GPC5: variants seen among roughly 807,000 people sequenced by gnomAD.
The protein encoded by GPC5 is glypican 5.
In GPC5, 47 loss-of-function variants were observed where a neutral mutation model predicts 53.9. That is an observed-to-expected ratio of 0.87 (90% confidence interval 0.69 to 1.11). The LOEUF (loss-of-function observed/expected upper bound fraction) is 1.11. Ranked by LOEUF, GPC5 falls within the 50% of genes most tolerant of loss-of-function variation. The probability of loss-of-function intolerance (pLI) is 0.00; values close to 1 mark genes in which losing one functional copy is unlikely to be tolerated. For synonymous variants in GPC5, 286 were observed against 263.3 expected (o/e 1.09, Z -0.84); for missense variants, 748 against 713.1 (o/e 1.05, Z -0.56).
At chr13:92,362,271 G>T (rs1017283375) in intron 7 of GPC5, among the ~76,000 whole-genome samples, 1 of 151,634 alleles carries the variant, frequency 6.6e-6, no homozygotes, top group African/African-American at 2.4e-5. Context: ...TTCAAACTGC[G>T]TCCAAGTCCA....
At chr13:91,689,113 G>A (rs1485384922) in intron 2 of GPC5, among the ~76,000 whole-genome samples, 1 of 148,262 alleles carries the variant, frequency 6.7e-6, no homozygotes, top group Non-Finnish European at 1.5e-5. Flanking sequence ...AGGCTACAGG[G>A]AGCTATGATC....
At chr13:92,271,309 G>A (rs754597144) in intron 7 of GPC5, among the ~76,000 whole-genome samples, 3 of 152,166 alleles carry the variant, frequency 2.0e-5, no homozygotes, top group Admixed American at 6.6e-5. Context: ...AAGTGTAGAA[G>A]GAGAACTACC....
At chr13:92,796,539 T>C (rs1321946898) in intron 7 of GPC5, among the ~76,000 whole-genome samples, 6 of 151,906 alleles carry the variant, frequency 3.9e-5, no homozygotes, top group African/African-American at 1.2e-4. Context: ...ATCCTTGGCA[T>C]TTCTCAATGA....
At chr13:92,471,016 G>A (rs1257058850) in intron 7 of GPC5, among the ~76,000 whole-genome samples, 1 of 152,118 alleles carries the variant, frequency 6.6e-6, no homozygotes. Flanking sequence ...AGGAGATGGA[G>A]ACTGACTGTC....
intron 5 of GPC5, among the ~76,000 whole-genome samples, chr13:91,760,860 A>G (rs1353088186): frequency 6.6e-6 from 1 of 152,212 alleles, no homozygotes; most frequent in Non-Finnish European, 1.5e-5. Flanking sequence ...TTTTTGAAAC[A>G]AAATCTATTT....
chr13:92,324,106 TGAATAA>T (rs1359471092), intron 7 of GPC5, among the ~76,000 whole-genome samples: 13 of 152,056 alleles, frequency 8.5e-5, no homozygotes, highest in Admixed American at 7.2e-4. Context: ...GATTTATGAA[TGAATAA>T]GTCAATGAAG....
intron 7 of GPC5, chr13:92,510,192 C>T (rs977885903): frequency 4.6e-5 from 6 of 131,736 alleles, no homozygotes; most frequent in Admixed American, 3.5e-4. Context: ...ATGTTTTTTC[C>T]TCTTTTGCTG....
At chr13:91,971,425 AT>A (rs1195580341) in intron 6 of GPC5, among the ~76,000 whole-genome samples, 1 of 152,004 alleles carries the variant, frequency 6.6e-6, no homozygotes, top group Non-Finnish European at 1.5e-5. Context: ...CAGCTCCTAG[AT>A]TCACTAATTT....
chr13:91,435,012 G>A (rs1373622697), intron 1 of GPC5, among the ~76,000 whole-genome samples: 7 of 152,154 alleles, frequency 4.6e-5, no homozygotes, highest in South Asian at 2.1e-4. Context: ...GTATAAGAAC[G>A]CTTGTGATTT....
intron 7 of GPC5, among the ~76,000 whole-genome samples, chr13:92,396,086 A>G (rs1412445041): frequency 6.6e-6 from 1 of 152,082 alleles, no homozygotes; most frequent in African/African-American, 2.4e-5. Flanking sequence ...TTTGAATTAT[A>G]CATGTTATAC....
At chr13:92,281,927 C>T (rs1043405926) in intron 7 of GPC5, among the ~76,000 whole-genome samples, 1 of 152,134 alleles carries the variant, frequency 6.6e-6, no homozygotes, top group African/African-American at 2.4e-5. Context: ...GAGAAGAAGG[C>T]TTCAGACGAT....
intron 7 of GPC5, among the ~76,000 whole-genome samples, chr13:92,827,736 G>A (rs1478595958): frequency 6.6e-6 from 1 of 152,104 alleles, no homozygotes; most frequent in Non-Finnish European, 1.5e-5. Context: ...GTAGCTGAAA[G>A]CCCTGATTGG....
intron 7 of GPC5, among the ~76,000 whole-genome samples, chr13:92,313,705 C>T (rs536063236): frequency 7.2e-5 from 11 of 152,264 alleles, no homozygotes; most frequent in Non-Finnish European, 1.3e-4. Context: ...CGTCTGTTCT[C>T]ATCAACACAA....
At chr13:92,767,091 G>A (rs1436968868) in intron 7 of GPC5, among the ~76,000 whole-genome samples, 3 of 152,210 alleles carry the variant, frequency 2.0e-5, no homozygotes, top group Non-Finnish European at 4.4e-5. Flanking sequence ...AATGAGACAG[G>A]AAATTGACTC....
At chr13:91,951,693 T>C (rs1386991042) in intron 6 of GPC5, among the ~76,000 whole-genome samples, 3 of 152,156 alleles carry the variant, frequency 2.0e-5, no homozygotes, top group Non-Finnish European at 4.4e-5. Flanking sequence ...AGAGACCATA[T>C]GGTTGACTAC....
intron 7 of GPC5, among the ~76,000 whole-genome samples, chr13:92,814,080 T>C (rs897755433): frequency 2.0e-5 from 3 of 152,024 alleles, no homozygotes; most frequent in Non-Finnish European, 4.4e-5. Context: ...TGTATTTATA[T>C]GGTCAATTGA....
chr13:92,093,897 T>G (rs1427738264), intron 6 of GPC5, among the ~76,000 whole-genome samples: 1 of 152,286 alleles, frequency 6.6e-6, no homozygotes, highest in East Asian at 1.9e-4. Context: ...TTAGAAAGAA[T>G]AAGAATGAGT....
chr13:92,663,713 A>G (rs1229760320), intron 7 of GPC5, among the ~76,000 whole-genome samples: 5 of 129,036 alleles, frequency 3.9e-5, no homozygotes, highest in Middle Eastern at 4.2e-3. Context: ...TATATCTACT[A>G]TATATATCTA....
At chr13:92,266,121 G>T (rs903224106) in intron 7 of GPC5, among the ~76,000 whole-genome samples, 1 of 152,098 alleles carries the variant, frequency 6.6e-6, no homozygotes, top group African/African-American at 2.4e-5. Context: ...CTGTTACATT[G>T]GGGATTAAGT....
Sources: gnomAD v4.1 joint callset for allele counts (sites outside exome capture counted in the v4.1 genomes callset) on GRCh38, gnomAD v4.1.1 for gene constraint, MANE v1.5 for transcripts, NCBI Gene and HGNC (gene_info 2026-07-23, HGNC 2026-07-21) for gene names.